The following PCDHGB1 variants were observed in gnomAD, a reference collection of about 807,000 sequenced individuals.
The protein encoded by PCDHGB1 is protocadherin gamma-B1.
In PCDHGB1, 34 loss-of-function variants were observed where a neutral mutation model predicts 56.6. The observed-to-expected ratio is 0.60, with a 90% CI of 0.46 to 0.80. PCDHGB1 has a LOEUF of 0.80. Ranked by LOEUF, PCDHGB1 falls within the 30% of genes least tolerant of loss-of-function variation. The pLI is 0.00. For missense variants in PCDHGB1, 1,278 were observed against 1,204.6 expected, an observed-to-expected ratio of 1.06 and a Z score of -0.90; for synonymous variants, 561 against 505.9, an observed-to-expected ratio of 1.11 and a Z score of -1.46.
chr5:141,381,826 C>CTTTTTTTTTTTTTTTTTTTTTTTTTTTT (rs770630741), intron 1 of PCDHGB1, among the ~76,000 whole-genome samples: 17 of 74,292 alleles, frequency 2.3e-4, no homozygotes, highest in Non-Finnish European at 3.3e-4. Context: ...CTTTCTTCTT[C>CTTTTTTTTTTTTTTTTTTTTTTTTTTTT]TTTTTTTTTT....
intron 1 of PCDHGB1, chr5:141,413,652 G>A: frequency 6.2e-7 from 1 of 1,613,780 alleles, no homozygotes; most frequent in Non-Finnish European, 8.5e-7. Context: ...TTCCTCTCCC[G>A]GAAGCTATTG....
At chr5:141,421,797 C>T in intron 1 of PCDHGB1, 1 of 1,613,744 alleles carries the variant, frequency 6.2e-7, no homozygotes, top group Non-Finnish European at 8.5e-7. Context: ...CGGATGGGGC[C>T]AAGAATCCAG....
Position 141,432,400 on chromosome 5 carries a change from G to C in PCDHGB1, c.2410-62407G>C, listed in dbSNP as rs139153105. ...ACCCGCCCCTCAGCAGCAACGTGTC[G>C]TTGAGCCTGTTCGTGCTGGACCAGA... is the stretch of plus-strand genomic sequence containing the variant. On this transcript the variant is annotated intron_variant, in intron 1 of 3. Coordinates refer to ENST00000523390, the MANE Select transcript of PCDHGB1 (RefSeq NM_018922.3). This position sits in a 1 kb window ranked among gnomAD's most constrained non-coding sequence, Gnocchi z 6.0. 1.2e-6 allele frequency: 2 copies of C among 1,614,240 alleles called. No individual in the cohort carries two copies. Among genetic ancestry groups the C allele is most frequent in the South Asian group, 2.2e-5 (2 of 91,090 alleles).
intron 1 of PCDHGB1, chr5:141,413,590 G>A (rs759901330): frequency 1.2e-6 from 2 of 1,613,886 alleles, no homozygotes; most frequent in Non-Finnish European, 1.7e-6. Flanking sequence ...AAAATTCCAA[G>A]CAGAAAATCT....
At chr5:141,446,312 T>C (rs2098498076) in intron 1 of PCDHGB1, among the ~76,000 whole-genome samples, 1 of 152,208 alleles carries the variant, frequency 6.6e-6, no homozygotes, top group African/African-American at 2.4e-5. Flanking sequence ...GAGTGATTCC[T>C]GGGTTTCCAC....
intron 1 of PCDHGB1, chr5:141,375,805 C>G (rs748127561): frequency 6.2e-7 from 1 of 1,614,214 alleles, no homozygotes; most frequent in Admixed American, 1.7e-5. Flanking sequence ...GTTCCACTGG[C>G]GTGGAGCTGG....
intron 1 of PCDHGB1, among the ~76,000 whole-genome samples, chr5:141,466,594 C>G (rs557960608): frequency 6.6e-6 from 1 of 152,268 alleles, no homozygotes; most frequent in Admixed American, 6.5e-5. Flanking sequence ...TTAAAACAAG[C>G]TAGCTACTTG....
chr5:141,370,462 C>T lies in PCDHGB1; in HGVS notation c.2409+17793C>T. 1.9e-6 allele frequency: 3 copies of T among 1,612,864 alleles called. No homozygotes were observed. In the South Asian group the frequency reaches 3.3e-5, roughly 18 times the overall value. Reference sequence around the variant, plus strand: ...CGAATGCTATTTCTCTTCCTGCTCTCTTTGTTAGACCAGGCTCTCTCCGAA... The same window carrying T: ...CGAATGCTATTTCTCTTCCTGCTCTTTTTGTTAGACCAGGCTCTCTCCGAA... On this transcript the variant is annotated intron_variant, in intron 1 of 3. Coordinates refer to ENST00000523390, the MANE Select transcript of PCDHGB1 (RefSeq NM_018922.3).
chr5:141,374,615 T>G lies in PCDHGB1; in HGVS notation c.2409+21946T>G, dbSNP rs777034606. ...ATTTAAGCTCAGTGGTAATAGTCACTTCTCAGTGGACGTGCAAAGCGAAGC... is the reference window on the plus strand; with the variant it reads ...ATTTAAGCTCAGTGGTAATAGTCACGTCTCAGTGGACGTGCAAAGCGAAGC... On this transcript the variant is annotated intron_variant, in intron 1 of 3. Coordinates refer to ENST00000523390, the MANE Select transcript of PCDHGB1 (RefSeq NM_018922.3). 108 of 1,613,570 alleles carry G rather than the reference T, an allele frequency of 6.7e-5. 1 individual carries two copies. In the East Asian group the frequency reaches 2.4e-3, roughly 35 times the overall value.
chr5:141,468,809 T>A (rs1473677700), intron 1 of PCDHGB1, among the ~76,000 whole-genome samples: 1 of 151,850 alleles, frequency 6.6e-6, no homozygotes, highest in Admixed American at 6.6e-5. Flanking sequence ...GAACTTGCAG[T>A]GAGCCAAGAT....
chr5:141,377,257 C>CT (rs1361180220), intron 1 of PCDHGB1: 1 of 147,998 alleles, frequency 6.8e-6, no homozygotes, highest in Non-Finnish European at 1.5e-5. Context: ...AAGGTTCTTT[C>CT]TTTTTCTAAT....
chr5:141,483,432 ACT>A (rs2099581241), intron 1 of PCDHGB1, among the ~76,000 whole-genome samples: 1 of 152,200 alleles, frequency 6.6e-6, no homozygotes, highest in African/African-American at 2.4e-5. Flanking sequence ...GAGGGAGCTG[ACT>A]ACAATAAAAT....
rs747513122 is a variant in PCDHGB1, at chr5:141,361,367, A to G, written c.2409+8698A>G. The stretch of plus-strand genomic sequence containing the variant: ...AAACTAGTGACAGACGGCGCTCTGG[A>G]CCGGGAGGAGATCCCAGAATACAAT... On this transcript the variant is annotated intron_variant, in intron 1 of 3. Transcript: ENST00000523390. 8 of 1,613,876 alleles carry G rather than the reference A, an allele frequency of 5.0e-6. No individual in the cohort carries two copies. In the Admixed American group the frequency reaches 1.3e-4, roughly 27 times the overall value.
chr5:141,488,450 C>T (rs2154581002), intron 1 of PCDHGB1, among the ~76,000 whole-genome samples: 1 of 152,314 alleles, frequency 6.6e-6, no homozygotes, highest in East Asian at 1.9e-4. Context: ...TCCTGGGTGA[C>T]CTGATTCAGC....
At chr5:141,437,654 A>C (rs185455660) in intron 1 of PCDHGB1, among the ~76,000 whole-genome samples, 1 of 152,256 alleles carries the variant, frequency 6.6e-6, no homozygotes, top group African/African-American at 2.4e-5. Context: ...GCAAACACAT[A>C]GTTTCGAAGA....
chr5:141,406,096 G>A (rs966441415), intron 1 of PCDHGB1, among the ~76,000 whole-genome samples: 1 of 150,800 alleles, frequency 6.6e-6, no homozygotes, highest in Non-Finnish European at 1.5e-5. Context: ...TTAAGAGATG[G>A]GGGTGTCATT....
intron 1 of PCDHGB1, chr5:141,400,564 C>G (rs532914635): frequency 1.9e-6 from 3 of 1,612,936 alleles, no homozygotes; most frequent in Admixed American, 1.7e-5. Flanking sequence ...ATTACCCACC[C>G]AATTTTCTGT....
intron 1 of PCDHGB1, chr5:141,400,321 G>T (rs190006023): frequency 1.9e-6 from 3 of 1,614,064 alleles, no homozygotes; most frequent in East Asian, 2.2e-5. Context: ...TGTCAAGTCT[G>T]GACCTGTGGT....
chr5:141,356,203 G>A (rs1454984060), intron 1 of PCDHGB1: 2 of 1,607,564 alleles, frequency 1.2e-6, no homozygotes, highest in Non-Finnish European at 1.7e-6. Flanking sequence ...CAAGGTACTG[G>A]TGACAGTTCT....
Sources: gnomAD v4.1 joint callset for allele counts (sites outside exome capture counted in the v4.1 genomes callset) on GRCh38, gnomAD v4.1.1 for gene constraint, Gnocchi (gnomAD v3.1) non-coding constraint, MANE v1.5 for transcripts, NCBI Gene and HGNC (gene_info 2026-07-23, HGNC 2026-07-21) for gene names.